Variants in MYRIP observed in about 807,000 individuals in gnomAD.
MYRIP encodes myosin VIIA and Rab interacting protein, also known as rab effector MyRIP.
A neutral mutation model predicts 98.0 loss-of-function variants in MYRIP; 49 were observed. That is an observed-to-expected ratio of 0.50 (90% confidence interval 0.40 to 0.63). The LOEUF is 0.63. MYRIP is among the 30% of genes least tolerant of loss of function. MYRIP has a pLI of 0.00. For synonymous variants in MYRIP, 404 were observed against 409.5 expected (o/e 0.99, Z 0.16); for missense variants, 1,004 against 1,058.2 (o/e 0.95, Z 0.71).
chr3:39,955,693 TA>T (rs1945138825), intron 2 of MYRIP, among the ~76,000 whole-genome samples: 1 of 152,142 alleles, frequency 6.6e-6, no homozygotes, highest in Non-Finnish European at 1.5e-5. Flanking sequence ...ACCTTAAATG[TA>T]AATGGGCTAA....
intron 2 of MYRIP, among the ~76,000 whole-genome samples, chr3:39,985,008 G>T (rs1945997138): frequency 6.7e-6 from 1 of 149,632 alleles, no homozygotes; most frequent in East Asian, 1.9e-4. Context: ...TGTGTTTTTT[G>T]GCTGCATAAA....
chr3:40,095,540 A>C (rs918685333), intron 3 of MYRIP, among the ~76,000 whole-genome samples: 1 of 152,130 alleles, frequency 6.6e-6, no homozygotes, highest in South Asian at 2.1e-4. Flanking sequence ...AAAGGTAGTC[A>C]TGGGGGGAGA....
At chr3:40,138,534 A>T (rs1033182810) in intron 3 of MYRIP, among the ~76,000 whole-genome samples, 1 of 152,216 alleles carries the variant, frequency 6.6e-6, no homozygotes, top group African/African-American at 2.4e-5. Flanking sequence ...GAAATGTTTA[A>T]AGTTTTTAAT....
chr3:40,129,944 T>C (rs1344765611), intron 3 of MYRIP, among the ~76,000 whole-genome samples: 2 of 152,258 alleles, frequency 1.3e-5, no homozygotes, highest in Admixed American at 6.5e-5. Context: ...ACTTGTGTCA[T>C]AGAAAAAGAA....
At chr3:40,214,683 A>T (rs1049392222) in intron 11 of MYRIP, among the ~76,000 whole-genome samples, 7 of 152,208 alleles carry the variant, frequency 4.6e-5, no homozygotes, top group African/African-American at 1.7e-4. Context: ...TGGTTCCACC[A>T]GACCTCAGCG....
intron 2 of MYRIP, among the ~76,000 whole-genome samples, chr3:40,031,853 A>C (rs1334797002): frequency 7.9e-5 from 12 of 151,830 alleles, no homozygotes; most frequent in Non-Finnish European, 2.9e-5. Context: ...ATCATTTTTT[A>C]TTGCGTCTAT....
At chr3:40,080,735 C>T (rs1320551299) in intron 3 of MYRIP, among the ~76,000 whole-genome samples, 1 of 148,588 alleles carries the variant, frequency 6.7e-6, no homozygotes, top group Non-Finnish European at 1.5e-5. Context: ...TTTCAAAAAA[C>T]CAATTTCTGA....
At chr3:39,868,322 G>C (rs949398238) in intron 1 of MYRIP, among the ~76,000 whole-genome samples, 1 of 152,108 alleles carries the variant, frequency 6.6e-6, no homozygotes, top group Non-Finnish European at 1.5e-5. Context: ...GACTTTTTTG[G>C]GGGTATTGAG....
intron 1 of MYRIP, chr3:39,810,363 G>A (rs1338443892): frequency 1.3e-5 from 2 of 152,388 alleles, no homozygotes; most frequent in Admixed American, 6.5e-5. Flanking sequence ...TGTAAAACGG[G>A]GGTAATCAGG....
chr3:39,954,800 T>C (rs1945113611), intron 2 of MYRIP, among the ~76,000 whole-genome samples: 1 of 152,142 alleles, frequency 6.6e-6, no homozygotes, highest in South Asian at 2.1e-4. Flanking sequence ...AATGGCTAAC[T>C]AGAATACACA....
chr3:39,947,477 T>G (rs1451206907), intron 2 of MYRIP, among the ~76,000 whole-genome samples: 2 of 152,110 alleles, frequency 1.3e-5, no homozygotes, highest in Admixed American at 1.3e-4. Flanking sequence ...ATGAACAATT[T>G]TAGAACATTG....
chr3:39,941,452 A>G (rs139520134), intron 2 of MYRIP, among the ~76,000 whole-genome samples: 58 of 151,916 alleles, frequency 3.8e-4, no homozygotes, highest in African/African-American at 1.4e-3. Flanking sequence ...CAAACATCCA[A>G]ACTATATCGG....
intron 1 of MYRIP, among the ~76,000 whole-genome samples, chr3:39,862,701 C>T (rs866176726): frequency 6.6e-6 from 1 of 152,148 alleles, no homozygotes; most frequent in South Asian, 2.1e-4. Flanking sequence ...TGGGAGACTT[C>T]AACACCCCAC....
At chr3:40,139,496 A>C (rs1241789610) in intron 3 of MYRIP, among the ~76,000 whole-genome samples, 1 of 152,232 alleles carries the variant, frequency 6.6e-6, no homozygotes, top group Non-Finnish European at 1.5e-5. Context: ...TTTAAGTGGA[A>C]TAATAAAATT....
intron 2 of MYRIP, among the ~76,000 whole-genome samples, chr3:39,939,123 T>C (rs1048050154): frequency 4.4e-5 from 6 of 137,776 alleles, no homozygotes; most frequent in Non-Finnish European, 9.9e-5. Context: ...TGGAAAACCA[T>C]AGGCTGCCCC....
At chr3:39,920,929 A>G (rs952890792) in intron 2 of MYRIP, among the ~76,000 whole-genome samples, 1 of 152,308 alleles carries the variant, frequency 6.6e-6, no homozygotes, top group Admixed American at 6.5e-5. Flanking sequence ...CTACTGTGTC[A>G]TTAGAGGCTT....
intron 3 of MYRIP, among the ~76,000 whole-genome samples, chr3:40,126,584 G>T (rs1575558427): frequency 6.6e-6 from 1 of 152,106 alleles, no homozygotes; most frequent in East Asian, 1.9e-4. Flanking sequence ...AAAATCTGAT[G>T]AAATATTTAT....
At chr3:39,820,314 C>A (rs1014755866) in intron 1 of MYRIP, among the ~76,000 whole-genome samples, 4 of 152,150 alleles carry the variant, frequency 2.6e-5, no homozygotes, top group Non-Finnish European at 5.9e-5. Context: ...GTCTGTCAAG[C>A]CCAGATGACA....
In MYRIP at chr3:40,079,399, G is replaced by T. The variant is rs1013959583; in HGVS notation, c.332+35128G>T. ...GGCCTGTGACCTACACAGTTGTTAC[G>T]CTGAATTAGGGAAGTGCAGCTTCAT... On this transcript the variant is annotated intron_variant, in intron 3 of 16. Transcript: ENST00000302541. Among the ~76,000 whole-genome samples the T allele has an allele frequency of 1.4e-4, 21 of 152,156 alleles. 1 individual carries two copies. Among genetic ancestry groups the T allele is most frequent in the Admixed American group, 1.2e-3 (19 of 15,282 alleles).
Sources: allele counts gnomAD v4.1 joint callset (sites outside exome capture counted in the v4.1 genomes callset), GRCh38; gene constraint gnomAD v4.1.1; transcripts MANE v1.5; gene names NCBI Gene and HGNC (gene_info 2026-07-23, HGNC 2026-07-21).